The following SHISA2 variants were observed in gnomAD, a reference collection of about 807,000 sequenced individuals.
SHISA2 encodes shisa family member 2, also known as protein shisa-2 homolog.
A neutral mutation model predicts 23.8 loss-of-function variants in SHISA2; 16 were observed. The observed-to-expected ratio is 0.67, with a 90% CI of 0.46 to 1.02. The LOEUF (loss-of-function observed/expected upper bound fraction) is 1.02. Among genes scored for constraint, SHISA2 ranks in the 50% least tolerant of loss-of-function variants. SHISA2 has a pLI of 0.00. For missense variants in SHISA2, 459 were observed against 420.1 expected, an observed-to-expected ratio of 1.09 and a Z score of -0.81; for synonymous variants, 201 against 178.6, an observed-to-expected ratio of 1.13 and a Z score of -1.00.
rs1566375193 is a variant in SHISA2 at position 26,051,388 on chromosome 13, G to C, written c.-413C>G. Among the ~76,000 whole-genome samples the C allele has an allele frequency of 6.6e-6, 1 of 152,134 alleles. No individual in the cohort carries two copies. Among genetic ancestry groups the C allele is most frequent in the East Asian group, 1.9e-4 (1 of 5,134 alleles). ...GCCGCGGACCTGGAGCCAGGGCTCT[G>C]CGCAGGGTTTAAGCCTCAGGGTCCC... On this transcript the variant is annotated 5_prime_UTR_variant, in exon 1 of 2. Transcript: ENST00000319420.
Position 26,051,026 on chromosome 13 carries a change from T to G in SHISA2, c.-51A>C. 2.3e-5 allele frequency: 32 copies of G among 1,410,228 alleles called. No individual in the cohort carries two copies. The highest frequency in any genetic ancestry group is 3.0e-5 in the East Asian group (1 of 33,714). The allele number at this position is 1,410,228 out of a possible 1,614,324, so 87.4% of individuals were successfully genotyped here. A position where few individuals can be genotyped will look rare whatever the true frequency, so the allele number is the denominator to read the frequency against. On this transcript the variant is annotated 5_prime_UTR_variant, in exon 1 of 2. Coordinates refer to ENST00000319420, the MANE Select transcript of SHISA2 (RefSeq NM_001007538.2). The stretch of plus-strand genomic sequence containing the variant: ...CGTCTCCAGAGAGCGCAGGACGGTC[T>G]CCGAGAAGTCGTGGCCCCGGCGACC...
chr13:26,047,096 T>C, intron 1 of SHISA2, 30 bp from the exon 2 acceptor site: 1 of 1,512,718 alleles, frequency 6.6e-7, no homozygotes, highest in African/African-American at 1.4e-5. Flanking sequence ...CACAACATTA[T>C]GATCTACTCT....
At chr13:26,048,108 G>A (rs1216128567) in intron 1 of SHISA2, among the ~76,000 whole-genome samples, 3 of 152,112 alleles carry the variant, frequency 2.0e-5, no homozygotes, top group East Asian at 3.9e-4. Context: ...TTCAAGACCA[G>A]CCTGGCCAAC....
Position 26,050,876 on chromosome 13 carries a change from T to A in SHISA2, c.100A>T (p.Ser34Cys). 1 of 1,522,700 alleles carries A rather than the reference T, an allele frequency of 6.6e-7. No individual in the cohort carries two copies. Among genetic ancestry groups the A allele is most frequent in the East Asian group, 2.5e-5 (1 of 39,258 alleles). 94.3% of individuals were successfully genotyped at this position (1,522,700 alleles called of 1,614,324 possible). A position where few individuals can be genotyped will look rare whatever the true frequency, so the allele number is the denominator to read the frequency against. The change falls in exon 1 of 2, where the codon AGC becomes TGC. Residue 34 changes from serine to cysteine, a missense_variant. Physicochemically the swap from Ser to Cys is moderately radical, Grantham distance 112. Transcript: ENST00000319420. ...AALLAAGARASGEYCHGWLDA... is the reference protein window; with the variant it reads ...AALLAAGARACGEYCHGWLDA... ...AGCCAGCCGTGGCAGTACTCGCCGC[T>A]GGCCCTCGCCCCCGCCGCCAGCAGC...
chr13:26,047,514 A>T (rs1240807178), intron 1 of SHISA2, among the ~76,000 whole-genome samples: 1 of 152,202 alleles, frequency 6.6e-6, no homozygotes, highest in African/African-American at 2.4e-5. Flanking sequence ...TCCCCCAGAA[A>T]GTTATTTAAG....
chr13:26,050,763 C>G lies in SHISA2; in HGVS notation c.213G>C (p.Ala71=), dbSNP rs750680405. The change falls in exon 1 of 2, where the codon GCG becomes GCC. Residue 71 remains alanine (A), a synonymous_variant. Transcript: ENST00000319420. The part of the protein sequence containing the change: ...GDATICCGSC[A]LRYCCSSAEA... The stretch of plus-strand genomic sequence containing the variant: ...CGGCGCTGGAGCAGCAGTAGCGCAA[C>G]GCGCAGCTGCCGCAGCAGATGGTGG... 4.0e-6 allele frequency: 6 copies of G among 1,515,700 alleles called. No individual in the cohort carries two copies. Among genetic ancestry groups the G allele is most frequent in the South Asian group, 3.7e-5 (3 of 81,822 alleles). The allele number at this position is 1,515,700 out of a possible 1,614,324, so 93.9% of individuals were successfully genotyped here.
intron 1 of SHISA2, 76 bp from the exon 2 acceptor site, chr13:26,047,142 A>C (rs1422759387): frequency 9.3e-6 from 13 of 1,401,530 alleles, no homozygotes; most frequent in Non-Finnish European, 1.1e-5. Context: ...GGCAATGGCA[A>C]TGAATGAATG....
chr13:26,046,851 C>T lies in SHISA2; in HGVS notation c.550G>A (p.Ala184Thr). The part of the protein sequence containing the change: ...RGSSSRQSST[A>T]ASSSSSANSG... ...TTGGCGCTGGAGCTGGAACTGGCAG[C>T]TGTGCTGGACTGGCGTGAGGACGAC... Residue 184 changes from alanine (A) to threonine (T), a missense_variant, in exon 2 of 2, where the codon GCT (alanine) becomes ACT (threonine). Ala to Thr is a moderately conservative substitution (Grantham distance 58). Coordinates refer to ENST00000319420, the MANE Select transcript of SHISA2 (RefSeq NM_001007538.2). The T allele has an allele frequency of 6.2e-7, 1 of 1,613,962 alleles. No individual in the cohort carries two copies. The highest frequency in any genetic ancestry group is 1.1e-5 in the South Asian group (1 of 91,034).
rs1212682706 is a variant in SHISA2, at chr13:26,046,577, T to C, written c.824A>G (p.Gln275Arg). ...GGTGTGAGGGAAGGGGGACTGAATC[T>C]GCCTGTAGCCAGGCTGCAGGCCGTC... ...FMDGLQPGYR[Q>R]IQSPFPHTNS... Residue 275 changes from glutamine to arginine, a missense_variant, in exon 2 of 2, where the codon CAG (glutamine) becomes CGG (arginine). Transcript: ENST00000319420. 6.2e-7 allele frequency: 1 copy of C among 1,614,116 alleles called. No individual in the cohort carries two copies. The highest frequency in any genetic ancestry group is 8.5e-7 in the Non-Finnish European group (1 of 1,180,008).
chr13:26,050,796 G>A lies in SHISA2; in HGVS notation c.180C>T (p.Gly60=), dbSNP rs1172969382. The A allele has an allele frequency of 1.3e-6, 2 of 1,526,788 alleles. No individual in the cohort carries two copies. The highest frequency in any genetic ancestry group is 1.7e-6 in the Non-Finnish European group (2 of 1,147,532). The allele number at this position is 1,526,788 out of a possible 1,614,324, so 94.6% of individuals were successfully genotyped here. Residue 60 remains glycine (G), a synonymous_variant, in exon 1 of 2, where the codon GGC becomes GGT. Coordinates refer to ENST00000319420, the MANE Select transcript of SHISA2 (RefSeq NM_001007538.2). ...IGFQCPERFD[G]GDATICCGSC... ...TGCCGCAGCAGATGGTGGCGTCGCC[G>A]CCGTCGAAGCGCTCGGGACACTGGA...
In SHISA2 at chr13:26,050,940, G is replaced by A. The variant is rs1310646923; in HGVS notation, c.36C>T (p.Ser12=). Residue 12 remains serine, a synonymous_variant, in exon 1 of 2, where the codon TCC becomes TCT. Transcript: ENST00000319420. ...GCTGCAGGAGCGAAGCGGCGTTCCA[G>A]GATGAGGAGACGGACGAGCGGCGAG... ...WGARRSSVSS[S]WNAASLLQLL... The A allele has an allele frequency of 2.6e-6, 4 of 1,520,436 alleles. No individual in the cohort carries two copies. Among genetic ancestry groups the A allele is most frequent in the South Asian group, 1.2e-5 (1 of 82,734 alleles). The allele number at this position is 1,520,436 out of a possible 1,614,324, so 94.2% of individuals were successfully genotyped here.
intron 1 of SHISA2, among the ~76,000 whole-genome samples, chr13:26,047,761 G>A (rs1957277271): frequency 6.6e-6 from 1 of 152,118 alleles, no homozygotes; most frequent in Non-Finnish European, 1.5e-5. Flanking sequence ...TGGAGGTGGA[G>A]GGAAGTTATT....
chr13:26,044,939 A>C lies in SHISA2; in HGVS notation c.*1574T>G, dbSNP rs886586149. The C allele has an allele frequency of 2.6e-5, 4 of 152,236 alleles. No homozygotes were observed. Among genetic ancestry groups the C allele is most frequent in the African/African-American group, 4.8e-5 (2 of 41,464 alleles). 9.4% of individuals were successfully genotyped at this position (152,236 alleles called of 1,614,324 possible). A position where few individuals can be genotyped will look rare whatever the true frequency, so the allele number is the denominator to read the frequency against. On this transcript the variant is annotated 3_prime_UTR_variant, in exon 2 of 2. Coordinates refer to ENST00000319420, the MANE Select transcript of SHISA2 (RefSeq NM_001007538.2). ...TTGGCAATGAATACAGTGCCTGTTG[A>C]GGCCTGAAAGAGAGAGGAAATCAAG...
intron 1 of SHISA2, among the ~76,000 whole-genome samples, chr13:26,048,122 G>A (rs1403739033): frequency 6.6e-6 from 1 of 152,058 alleles, no homozygotes; most frequent in African/African-American, 2.4e-5. Context: ...GGCCAACATG[G>A]TGAGACCCTG....
At chr13:26,047,906 C>T (rs1957277868) in intron 1 of SHISA2, among the ~76,000 whole-genome samples, 1 of 152,216 alleles carries the variant, frequency 6.6e-6, no homozygotes, top group Admixed American at 6.5e-5. Context: ...GAGCATAAAG[C>T]AACGGCCATC....
intron 1 of SHISA2, among the ~76,000 whole-genome samples, chr13:26,048,325 A>C (rs1447132507): frequency 1.3e-5 from 2 of 152,088 alleles, no homozygotes; most frequent in African/African-American, 4.8e-5. Flanking sequence ...AAATACATAA[A>C]ATTAGTTTCT....
intron 1 of SHISA2, among the ~76,000 whole-genome samples, chr13:26,048,416 A>G (rs1957279924): frequency 6.6e-6 from 1 of 152,208 alleles, no homozygotes; most frequent in South Asian, 2.1e-4. Flanking sequence ...ACAGAATCAG[A>G]TGGGAGGTGC....
intron 1 of SHISA2, among the ~76,000 whole-genome samples, chr13:26,049,167 G>A (rs1367536613): frequency 2.0e-5 from 3 of 152,152 alleles, no homozygotes; most frequent in Admixed American, 1.3e-4. Context: ...TGAGTTTTGG[G>A]GAGAAATAAG....
At position 26,046,563 on chromosome 13, in the gene SHISA2, A is replaced by AG. The variant is rs1957268955; in HGVS notation, c.837dup (p.Phe280LeufsTer7). ...TTCTGTTCACTGTTGGTGTGAGGGA[A>AG]GGGGGACTGAATCTGCCTGTAGCCA... On this transcript the variant is annotated frameshift_variant, in exon 2 of 2. Coordinates refer to ENST00000319420, the MANE Select transcript of SHISA2 (RefSeq NM_001007538.2). LOFTEE classifies it high-confidence loss of function. 6.2e-7 allele frequency: 1 copy of AG among 1,613,782 alleles called. No homozygotes were observed.
Sources: gnomAD v4.1 joint callset for allele counts (sites outside exome capture counted in the v4.1 genomes callset) on GRCh38, gnomAD v4.1.1 for gene constraint, MANE v1.5 for transcripts, NCBI Gene and HGNC (gene_info 2026-07-23, HGNC 2026-07-21) for gene names.